Variants in PRIM1 observed in about 807,000 individuals in gnomAD.
PRIM1 encodes DNA primase subunit 1.
In PRIM1, 38 loss-of-function variants were observed where a neutral mutation model predicts 60.2. The ratio of observed to expected loss-of-function variants is 0.63; its 90% CI spans 0.49 to 0.83. PRIM1 has a LOEUF of 0.83. Ranked by LOEUF, PRIM1 falls within the 40% of genes least tolerant of loss-of-function variation. The probability of loss-of-function intolerance (pLI) is 0.00; values close to 1 mark genes in which losing one functional copy is unlikely to be tolerated. For synonymous variants in PRIM1, 158 were observed against 160.2 expected, an observed-to-expected ratio of 0.99 and a Z score of 0.10; for missense variants, 388 against 506.2, an observed-to-expected ratio of 0.77 and a Z score of 2.24.
intron 11 of PRIM1, 51 bp downstream of exon 11, chr12:56,738,383 A>T: frequency 2.0e-6 from 3 of 1,517,138 alleles, no homozygotes; most frequent in Admixed American, 4.5e-5. Context: ...ACAGATGGAT[A>T]TCTATATAAA....
rs1458718770 is a variant in PRIM1 at position 56,731,868 on chromosome 12, G to A, written c.1244-134C>T. 4.2e-6 allele frequency: 3 copies of A among 707,428 alleles called. No homozygotes were observed. The East Asian group carries it at 9.0e-5, about 21-fold the overall frequency. The allele number at this position is 707,428 out of a possible 1,614,324, so 43.8% of individuals were successfully genotyped here. ...ACAAAGATTTGCTTACACATTTGCT[G>A]AAGTCCACATCATAGGCTGAGCTAG... On this transcript the variant is annotated intron_variant, in intron 12 of 12. Coordinates refer to ENST00000338193, the MANE Select transcript of PRIM1 (RefSeq NM_000946.3).
chr12:56,750,812 A>G (rs566004572), intron 2 of PRIM1, among the ~76,000 whole-genome samples: 10 of 152,022 alleles, frequency 6.6e-5, no homozygotes, highest in African/African-American at 2.4e-4. Flanking sequence ...TAGATACTCA[A>G]TTTTTTTTGT....
At chr12:56,737,192 A>C (rs1254596451) in intron 11 of PRIM1, among the ~76,000 whole-genome samples, 1 of 152,070 alleles carries the variant, frequency 6.6e-6, no homozygotes, top group Non-Finnish European at 1.5e-5. Flanking sequence ...CGCACTCCTT[A>C]TCAGAATCTA....
chr12:56,741,708 A>G lies in PRIM1; in HGVS notation c.840+38T>C, dbSNP rs555773069. The G allele has an allele frequency of 4.4e-6, 7 of 1,592,764 alleles. No individual in the cohort carries two copies. The South Asian group carries it at 7.9e-5, about 18-fold the overall frequency. On this transcript the variant is annotated intron_variant, in intron 8 of 12. Transcript: ENST00000338193. ...AGCAATCAATTTAATTAAGAATTGC[A>G]TTATTATATCTGTAATACAGATTTC... is the stretch of plus-strand genomic sequence containing the variant.
chr12:56,739,475 AAACTTATCTGTT>A, intron 9 of PRIM1, 112 bp from the exon 10 acceptor site: 1 of 598,232 alleles, frequency 1.7e-6, no homozygotes, highest in South Asian at 3.2e-5. Context: ...ACAAAGGGTT[AAACTTATCTGTT>A]AAGAAGAGTA....
Position 56,731,640 on chromosome 12 carries a change from A to C in PRIM1, c.*75T>G, listed in dbSNP as rs1953786421. The C allele has an allele frequency of 2.3e-6, 3 of 1,309,546 alleles. No homozygotes were observed. Among genetic ancestry groups the C allele is most frequent in the Non-Finnish European group, 3.2e-6 (3 of 946,022 alleles). The allele number at this position is 1,309,546 out of a possible 1,614,324, so 81.1% of individuals were successfully genotyped here. A position where few individuals can be genotyped will look rare whatever the true frequency, so the allele number is the denominator to read the frequency against. On this transcript the variant is annotated 3_prime_UTR_variant, in exon 13 of 13. Coordinates refer to ENST00000338193, the MANE Select transcript of PRIM1 (RefSeq NM_000946.3). Reference sequence around the variant, plus strand: ...ACACATATATAGTTCTGCCATATTTATTAAATGGCTCTTGAAGTATTTGAT... The same window carrying C: ...ACACATATATAGTTCTGCCATATTTCTTAAATGGCTCTTGAAGTATTTGAT...
chr12:56,748,875 T>C (rs1268842054), intron 2 of PRIM1, among the ~76,000 whole-genome samples: 1 of 151,880 alleles, frequency 6.6e-6, no homozygotes, highest in Non-Finnish European at 1.5e-5. Context: ...GAGAATCACT[T>C]GAAACCGGGA....
chr12:56,745,323 G>A (rs1953898832), intron 5 of PRIM1, among the ~76,000 whole-genome samples: 1 of 150,924 alleles, frequency 6.6e-6, no homozygotes, highest in African/African-American at 2.4e-5. Flanking sequence ...AGGTAGAAGG[G>A]TCACTTGAGA....
intron 9 of PRIM1, among the ~76,000 whole-genome samples, chr12:56,741,138 T>C (rs567000004): frequency 6.6e-6 from 1 of 152,206 alleles, no homozygotes; most frequent in East Asian, 1.9e-4. Context: ...TTTTATGACC[T>C]TGGATGGGTT....
In PRIM1 at chr12:56,751,030, T is replaced by G; in HGVS notation, c.261+8A>C. 7.0e-7 allele frequency: 1 copy of G among 1,426,596 alleles called. No homozygotes were observed. The highest frequency in any genetic ancestry group is 9.3e-7 in the Non-Finnish European group (1 of 1,078,956). 88.4% of individuals were successfully genotyped at this position (1,426,596 alleles called of 1,614,324 possible). ...AACAACAAAATATATTAAAAAAAGA[T>G]TTCTTACTCTGTGAGAATATACTGC... On this transcript the variant is annotated splice_region_variant and intron_variant, in intron 2 of 12. Transcript: ENST00000338193.
At chr12:56,749,093 C>T (rs538888822) in intron 2 of PRIM1, among the ~76,000 whole-genome samples, 2 of 152,292 alleles carry the variant, frequency 1.3e-5, no homozygotes, top group South Asian at 4.1e-4. Context: ...ACTGCAACCT[C>T]CACCTACCGG....
In PRIM1 at chr12:56,741,803, C is replaced by G; in HGVS notation, c.783G>C (p.Lys261Asn). ...IHDELQQSFQ[K>N]SHNSLQRWEH... Reference sequence around the variant, plus strand: ...CCCAACGCTGAAGTGAATTGTGAGACTTTTGGAAGCTTTGTTGAAGTTCAT... The same window carrying G: ...CCCAACGCTGAAGTGAATTGTGAGAGTTTTGGAAGCTTTGTTGAAGTTCAT... The change falls in exon 8 of 13, where the codon AAG becomes AAC. Residue 261 changes from lysine (K) to asparagine (N), a missense_variant. This residue lies in a region of PRIM1 where 211 missense variants were observed against 277.9 expected (regional missense o/e 0.76). Coordinates refer to ENST00000338193, the MANE Select transcript of PRIM1 (RefSeq NM_000946.3). The G allele has an allele frequency of 6.2e-7, 1 of 1,613,908 alleles. No individual in the cohort carries two copies. The highest frequency in any genetic ancestry group is 1.1e-5 in the South Asian group (1 of 91,088).
intron 11 of PRIM1, among the ~76,000 whole-genome samples, chr12:56,736,000 C>CA (rs1378871912): frequency 6.6e-6 from 1 of 151,378 alleles, no homozygotes; most frequent in Non-Finnish European, 1.5e-5. Flanking sequence ...ATGTATACAA[C>CA]AAAAAATTTA....
At chr12:56,734,078 C>T in intron 12 of PRIM1, 69 bp downstream of exon 12, 1 of 1,087,574 alleles carries the variant, frequency 9.2e-7, no homozygotes, top group Admixed American at 2.5e-5. Context: ...AAGACTAGAA[C>T]TCAAAAATTG....
intron 7 of PRIM1, among the ~76,000 whole-genome samples, chr12:56,742,540 C>T (rs1002530195): frequency 6.6e-6 from 1 of 152,080 alleles, no homozygotes; most frequent in Non-Finnish European, 1.5e-5. Context: ...CTGCACACTC[C>T]AGCCTGGGCA....
intron 2 of PRIM1, among the ~76,000 whole-genome samples, chr12:56,750,651 G>A (rs1044057662): frequency 6.7e-6 from 1 of 149,234 alleles, no homozygotes; most frequent in Non-Finnish European, 1.5e-5. Flanking sequence ...GTGCAATGGC[G>A]CGATCTTGGC....
At chr12:56,744,233 G>T in intron 5 of PRIM1, 110 bp from the exon 6 acceptor site, 1 of 767,994 alleles carries the variant, frequency 1.3e-6, no homozygotes, top group Non-Finnish European at 2.1e-6. Context: ...TGGTGGGCAC[G>T]GTGGCTCACA....
chr12:56,743,065 C>T lies in PRIM1; in HGVS notation c.670G>A (p.Glu224Lys). The T allele has an allele frequency of 6.5e-7, 1 of 1,529,426 alleles. No homozygotes were observed. Among genetic ancestry groups the T allele is most frequent in the Non-Finnish European group, 8.8e-7 (1 of 1,141,488 alleles). The allele number at this position is 1,529,426 out of a possible 1,614,324, so 94.7% of individuals were successfully genotyped here. ...KSINIIKKYF[E>K]EYALVNQDIL... ...TCTTGATTAACCAAGGCATATTCTT[C>T]AAAGTATTTTTTTATTATGTTTATA... The change falls in exon 7 of 13, where the codon GAA (glutamate) becomes AAA (lysine). Residue 224 changes from glutamate (E) to lysine (K), a missense_variant. Around this residue, in one of 3 missense-constraint regions of PRIM1, gnomAD observed 211 missense variants for 277.9 expected, o/e 0.76. Coordinates refer to ENST00000338193, the MANE Select transcript of PRIM1 (RefSeq NM_000946.3).
chr12:56,750,701 T>C (rs1345733101), intron 2 of PRIM1, among the ~76,000 whole-genome samples: 1 of 151,824 alleles, frequency 6.6e-6, no homozygotes, highest in Non-Finnish European at 1.5e-5. Flanking sequence ...GCGATTCTCC[T>C]GCCTCAGCCT....
Sources: gnomAD v4.1 joint callset for allele counts (sites outside exome capture counted in the v4.1 genomes callset) on GRCh38, gnomAD v4.1.1 for gene constraint, gnomAD v4.1.1 regional missense constraint, MANE v1.5 for transcripts, NCBI Gene and HGNC (gene_info 2026-07-23, HGNC 2026-07-21) for gene names.